Variants in CRYBG3 observed in about 807,000 individuals in gnomAD.
CRYBG3 encodes crystallin beta-gamma domain containing 3, also known as very large A-kinase anchor protein.
A neutral mutation model predicts 244.2 loss-of-function variants in CRYBG3; 127 were observed. That is an observed-to-expected ratio of 0.52 (90% confidence interval 0.45 to 0.60). The LOEUF (loss-of-function observed/expected upper bound fraction) is 0.60, where lower values mean the gene tolerates loss of function less well. Ranked by LOEUF, CRYBG3 falls within the 20% of genes least tolerant of loss-of-function variation. The probability of loss-of-function intolerance (pLI) is 0.00; values close to 1 mark genes in which losing one functional copy is unlikely to be tolerated. For missense variants in CRYBG3, 3,325 were observed against 3,442.5 expected, an observed-to-expected ratio of 0.97 and a Z score of 0.85; for synonymous variants, 1,132 against 1,195.8, an observed-to-expected ratio of 0.95 and a Z score of 1.10.
At chr3:97,882,472 GA>G (rs2039461201) in intron 7 of CRYBG3, among the ~76,000 whole-genome samples, 1 of 152,192 alleles carries the variant, frequency 6.6e-6, no homozygotes, top group East Asian at 1.9e-4. Context: ...TTAATACTAA[GA>G]TGAGAAGGGT....
At chr3:97,899,827 G>T (rs1289628988) in intron 14 of CRYBG3, among the ~76,000 whole-genome samples, 1 of 152,126 alleles carries the variant, frequency 6.6e-6, no homozygotes, top group Non-Finnish European at 1.5e-5. Flanking sequence ...GAAGAGTGTG[G>T]CCAGTTTGGA....
chr3:97,822,666 C>G (rs2038520820), intron 1 of CRYBG3, among the ~76,000 whole-genome samples: 1 of 152,188 alleles, frequency 6.6e-6, no homozygotes, highest in East Asian at 1.9e-4. Context: ...ATTGGGTTCC[C>G]GTTCCACACA....
chr3:97,920,147 C>G (rs1205096244), intron 17 of CRYBG3, among the ~76,000 whole-genome samples: 1 of 152,122 alleles, frequency 6.6e-6, no homozygotes, highest in Non-Finnish European at 1.5e-5. Flanking sequence ...TTTATTCAAT[C>G]TAAAGTATTG....
intron 2 of CRYBG3, among the ~76,000 whole-genome samples, chr3:97,845,821 T>C (rs539625685): frequency 6.6e-6 from 1 of 152,338 alleles, no homozygotes; most frequent in East Asian, 1.9e-4. Context: ...ATATATAAAA[T>C]TAAAAACAAT....
intron 1 of CRYBG3, among the ~76,000 whole-genome samples, chr3:97,826,763 A>G (rs1000195937): frequency 6.6e-6 from 1 of 152,236 alleles, no homozygotes; most frequent in Non-Finnish European, 1.5e-5. Flanking sequence ...CCATAAATGG[A>G]TGACCAAATA....
At chr3:97,838,772 C>A (rs959406218) in intron 1 of CRYBG3, among the ~76,000 whole-genome samples, 1 of 152,050 alleles carries the variant, frequency 6.6e-6, no homozygotes, top group Non-Finnish European at 1.5e-5. Flanking sequence ...AAAATAATAT[C>A]TCTTAAGTGA....
At position 97,873,194 on chromosome 3, in the gene CRYBG3, G is replaced by A. The variant is rs1388108578; in HGVS notation, c.2000G>A (p.Ser667Asn). The A allele has an allele frequency of 6.5e-7, 1 of 1,535,890 alleles. No individual in the cohort carries two copies. The highest frequency in any genetic ancestry group is 2.0e-5 in the Admixed American group (1 of 50,988). The change falls in exon 4 of 22, where the codon AGC (serine) becomes AAC (asparagine). Residue 667 changes from serine to asparagine, a missense_variant. Physicochemically the swap from Ser to Asn is conservative, Grantham distance 46. This residue lies in a region of CRYBG3 where 1,526 missense variants were observed against 1,443.2 expected (regional missense o/e 1.06). Transcript: ENST00000389622. ...PTFVSGVGML[S>N]KLDIPDLMNE... ...TTTGTTTCTGGAGTTGGGATGCTGAGCAAGTTGGATATTCCTGATTTAATG... is the reference window on the plus strand; with the variant it reads ...TTTGTTTCTGGAGTTGGGATGCTGAACAAGTTGGATATTCCTGATTTAATG...
intron 17 of CRYBG3, among the ~76,000 whole-genome samples, chr3:97,923,229 C>T (rs1176006662): frequency 6.6e-6 from 1 of 151,914 alleles, no homozygotes; most frequent in East Asian, 1.9e-4. Flanking sequence ...AGGAGGAATA[C>T]CTAATGTAAA....
At position 97,936,898 on chromosome 3, in the gene CRYBG3, C is replaced by T. The variant is rs1177411044; in HGVS notation, c.8495C>T (p.Pro2832Leu). The T allele has an allele frequency of 6.2e-7, 1 of 1,612,426 alleles. No homozygotes were observed. The highest frequency in any genetic ancestry group is 1.3e-5 in the African/African-American group (1 of 74,790). ...TGGAAAACAATTGGTTCCCTCCGTC[C>T]TATGAAGCAGGTAAGGAGAAAAGAA... ...SRWKTIGSLR[P>L]MKQPAVYIRI... is the part of the protein sequence containing the mutation. The change falls in exon 19 of 22, where the codon CCT (proline) becomes CTT (leucine). Residue 2832 changes from proline to leucine, a missense_variant. Pro to Leu is a moderately conservative substitution (Grantham distance 98). Around this residue, in one of 4 missense-constraint regions of CRYBG3, gnomAD observed 714 missense variants for 803.6 expected, o/e 0.89. Transcript: ENST00000389622.
At chr3:97,871,110 T>C (rs1005125637) in intron 3 of CRYBG3, among the ~76,000 whole-genome samples, 1 of 152,200 alleles carries the variant, frequency 6.6e-6, no homozygotes. Context: ...TAGTGGTAGA[T>C]TCTCCAAAGG....
At chr3:97,883,591 AAG>A (rs899951397) in intron 7 of CRYBG3, among the ~76,000 whole-genome samples, 10 of 152,214 alleles carry the variant, frequency 6.6e-5, no homozygotes, top group African/African-American at 2.2e-4. Context: ...TATTATAAGA[AAG>A]AGTAAGTCAG....
rs751533960 is a variant in CRYBG3 at position 97,877,830 on chromosome 3, G to A, written c.6636G>A (p.Leu2212=). Residue 2212 remains leucine (L), a synonymous_variant, in exon 4 of 22, where the codon CTG becomes CTA. Coordinates refer to ENST00000389622, the MANE Select transcript of CRYBG3 (RefSeq NM_153605.4). ...CTACCTCCAATCTGCAAGTTGGTCT[G>A]TGGCCAGAAAAGACCTCGTTTCTCC... ...EPTTSNLQVG[L]WPEKTSFLQK... 5 of 1,614,100 alleles carry A rather than the reference G, an allele frequency of 3.1e-6. No individual in the cohort carries two copies. Among genetic ancestry groups the A allele is most frequent in the South Asian group, 1.1e-5 (1 of 91,078 alleles).
intron 2 of CRYBG3, among the ~76,000 whole-genome samples, chr3:97,854,156 T>C (rs2039028909): frequency 6.6e-6 from 1 of 152,196 alleles, no homozygotes; most frequent in Admixed American, 6.5e-5. Context: ...TTCTGGGTTC[T>C]CTATTCTGTT....
At chr3:97,834,586 C>T (rs1432386979) in intron 1 of CRYBG3, among the ~76,000 whole-genome samples, 1 of 152,020 alleles carries the variant, frequency 6.6e-6, no homozygotes, top group African/African-American at 2.4e-5. Context: ...AACTCTCTTG[C>T]CTTTTATTGT....
rs2040316759 is a variant in CRYBG3 at position 97,944,848 on chromosome 3, T to C, written c.*1534T>C. On this transcript the variant is annotated 3_prime_UTR_variant, in exon 22 of 22. Coordinates refer to ENST00000389622, the MANE Select transcript of CRYBG3 (RefSeq NM_153605.4). ...AATTTTTCTAGAGCCAAAGAAGCTC[T>C]TTAAAGAAGTTGTTTCTTCCAAAGA... 5.8e-6 allele frequency: 1 copy of C among 171,394 alleles called. No homozygotes were observed. The highest frequency in any genetic ancestry group is 1.2e-5 in the Non-Finnish European group (1 of 81,018). 10.6% of individuals were successfully genotyped at this position (171,394 alleles called of 1,614,324 possible). A position where few individuals can be genotyped will look rare whatever the true frequency, so the allele number is the denominator to read the frequency against.
chr3:97,836,190 A>T (rs1489306214), intron 1 of CRYBG3, among the ~76,000 whole-genome samples: 1 of 152,110 alleles, frequency 6.6e-6, no homozygotes, highest in Non-Finnish European at 1.5e-5. Flanking sequence ...CTGTGAAGCA[A>T]CAGAGCCTCA....
intron 15 of CRYBG3, among the ~76,000 whole-genome samples, chr3:97,909,047 C>G (rs910040318): frequency 6.6e-6 from 1 of 152,118 alleles, no homozygotes; most frequent in South Asian, 2.1e-4. Flanking sequence ...GTTGAAAATT[C>G]TTTTCTTTAA....
In CRYBG3 at chr3:97,936,868, G is replaced by A. The variant is rs766412063; in HGVS notation, c.8465G>A (p.Ser2822Asn). The change falls in exon 19 of 22, where the codon AGC (serine) becomes AAC (asparagine). Residue 2822 changes from serine (S) to asparagine (N), a missense_variant. Physicochemically the swap from Ser to Asn is conservative, Grantham distance 46. Coordinates refer to ENST00000389622, the MANE Select transcript of CRYBG3 (RefSeq NM_153605.4). ...PNEIPNWTAF[S>N]RWKTIGSLRP... ...GAGATCCCAAACTGGACAGCATTCA[G>A]CAGATGGAAAACAATTGGTTCCCTC... The A allele has an allele frequency of 6.2e-7, 1 of 1,613,010 alleles. No individual in the cohort carries two copies. The highest frequency in any genetic ancestry group is 1.1e-5 in the South Asian group (1 of 91,016).
chr3:97,927,509 G>T (rs2040053051), intron 17 of CRYBG3, among the ~76,000 whole-genome samples: 1 of 151,974 alleles, frequency 6.6e-6, no homozygotes, highest in Non-Finnish European at 1.5e-5. Flanking sequence ...GTGGGCCCTG[G>T]CAAAGATTTT....
Sources: allele counts gnomAD v4.1 joint callset (sites outside exome capture counted in the v4.1 genomes callset), GRCh38; gene constraint gnomAD v4.1.1; regional missense constraint gnomAD v4.1.1; transcripts MANE v1.5; gene names NCBI Gene and HGNC (gene_info 2026-07-23, HGNC 2026-07-21).